Variants in RBFOX1 observed in about 807,000 individuals in gnomAD.
RBFOX1 encodes RNA binding fox-1 homolog 1.
Under a neutral mutation model 57.7 loss-of-function variants are expected in RBFOX1, and 8 were observed. That is an observed-to-expected ratio of 0.14 (90% confidence interval 0.08 to 0.25). RBFOX1 has a LOEUF of 0.25. Ranked by LOEUF, RBFOX1 falls within the 10% of genes least tolerant of loss-of-function variation. RBFOX1 has a pLI of 1.00. For missense variants in RBFOX1, 611 were observed against 548.5 expected, an observed-to-expected ratio of 1.11 and a Z score of -1.14; for synonymous variants, 326 against 222.4, an observed-to-expected ratio of 1.47 and a Z score of -4.15.
chr16:7,441,272 A>G lies in RBFOX1; in HGVS notation c.28-76875A>G, dbSNP rs186759549. ...AATTTATGCTTTAAGAACAATCAGC[A>G]TCAAAGGCCTTGGCAGTGGTGGAGC... is the stretch of plus-strand genomic sequence containing the variant. On this transcript the variant is annotated intron_variant, in intron 4 of 15. Transcript: ENST00000550418. Among the ~76,000 whole-genome samples the G allele has an allele frequency of 5.3e-5, 8 of 152,334 alleles. No individual in the cohort carries two copies. The East Asian group carries it at 1.5e-3, about 29-fold the overall frequency.
At position 5,805,942 on chromosome 16, in the gene RBFOX1, A is replaced by C. The variant is rs571338268; in HGVS notation, c.319-61361A>C. Reference sequence around the variant, plus strand: ...GTGGATCTGGGGGGACAAATGGAGAAATCTGTCCTGCATAGATCCTAGCAC... The same window carrying C: ...GTGGATCTGGGGGGACAAATGGAGACATCTGTCCTGCATAGATCCTAGCAC... On this transcript the variant is annotated intron_variant, in intron 3 of 19. Coordinates refer to the RBFOX1 transcript ENST00000641259. 7.2e-5 allele frequency among the ~76,000 whole-genome samples: 11 copies of C among 152,294 alleles called. No homozygotes were observed. In the South Asian group the frequency reaches 2.3e-3, roughly 32 times the overall value.
At chr16:5,791,290 TCTAA>T (rs1312134991) in intron 3 of RBFOX1, among the ~76,000 whole-genome samples, 3 of 152,330 alleles carry the variant, frequency 2.0e-5, no homozygotes, top group East Asian at 1.9e-4. Flanking sequence ...AAAATGTAGC[TCTAA>T]CTGATAAAAA....
At position 7,596,002 on chromosome 16, in the gene RBFOX1, C is replaced by G. The variant is rs191724891; in HGVS notation, c.561+361C>G. 1.7e-4 allele frequency among the ~76,000 whole-genome samples: 25 copies of G among 150,964 alleles called. No homozygotes were observed. The East Asian group carries it at 4.7e-3, about 28-fold the overall frequency. On this transcript the variant is annotated intron_variant, in intron 8 of 15. Transcript: ENST00000550418. The stretch of plus-strand genomic sequence containing the variant: ...ACAAAATACAGAACAGTTTCTTTTT[C>G]TTTTTCTTTCCACTTCAGGGTTGAA...
intron 1 of RBFOX1, among the ~76,000 whole-genome samples, chr16:5,386,341 C>A (rs760202398): frequency 3.3e-5 from 5 of 151,924 alleles, no homozygotes; most frequent in Non-Finnish European, 5.9e-5. Flanking sequence ...GTCCTGAGAG[C>A]ATTGCATCTC....
chr16:7,544,612 C>T (rs757557890), intron 5 of RBFOX1, among the ~76,000 whole-genome samples: 6 of 152,078 alleles, frequency 3.9e-5, no homozygotes, highest in Non-Finnish European at 5.9e-5. Flanking sequence ...GAAGCAAGGA[C>T]GGACTCTCCT....
intron 1 of RBFOX1, among the ~76,000 whole-genome samples, chr16:6,046,787 G>A (rs1319945833): frequency 6.6e-6 from 1 of 152,154 alleles, no homozygotes; most frequent in African/African-American, 2.4e-5. Flanking sequence ...TGGAACATCT[G>A]GCCAAAGTCA....
At chr16:7,401,075 A>C (rs2098234592) in intron 4 of RBFOX1, among the ~76,000 whole-genome samples, 1 of 152,230 alleles carries the variant, frequency 6.6e-6, no homozygotes, top group African/African-American at 2.4e-5. Context: ...ATACAGTCCC[A>C]AGACATCCAG....
intron 1 of RBFOX1, among the ~76,000 whole-genome samples, chr16:5,386,151 T>C (rs2066249281): frequency 1.3e-5 from 2 of 151,490 alleles, no homozygotes; most frequent in African/African-American, 4.9e-5. Flanking sequence ...TTATTAGTGA[T>C]CACCCACTAA....
chr16:7,601,947 G>T (rs1272571800), intron 9 of RBFOX1, among the ~76,000 whole-genome samples: 1 of 152,144 alleles, frequency 6.6e-6, no homozygotes, highest in Non-Finnish European at 1.5e-5. Flanking sequence ...CTTTTTGTTT[G>T]GTATTTGAGA....
intron 4 of RBFOX1, among the ~76,000 whole-genome samples, chr16:7,309,448 C>T (rs530652699): frequency 1.3e-5 from 2 of 152,330 alleles, no homozygotes; most frequent in East Asian, 1.9e-4. Flanking sequence ...TTGTGCCATT[C>T]GCCTGCTCTG....
intron 1 of RBFOX1, among the ~76,000 whole-genome samples, chr16:5,355,075 AAG>A (rs918644216): frequency 6.6e-6 from 1 of 151,740 alleles, no homozygotes; most frequent in Admixed American, 6.6e-5. Flanking sequence ...AGAGAGAAAT[AAG>A]AGAGAATAAA....
chr16:7,020,563 A>T (rs571274290), intron 3 of RBFOX1, among the ~76,000 whole-genome samples: 1 of 152,326 alleles, frequency 6.6e-6, no homozygotes, highest in East Asian at 1.9e-4. Context: ...AAATTAAATA[A>T]AATAAGGAAT....
chr16:7,510,513 GC>G (rs1567589292), intron 4 of RBFOX1, among the ~76,000 whole-genome samples: 1 of 149,886 alleles, frequency 6.7e-6, no homozygotes, highest in Non-Finnish European at 1.5e-5. Context: ...GTGTGTGTGG[GC>G]GCGCGCGCAC....
intron 5 of RBFOX1, among the ~76,000 whole-genome samples, chr16:7,552,350 G>A (rs773946172): frequency 6.6e-6 from 1 of 152,136 alleles, no homozygotes; most frequent in Non-Finnish European, 1.5e-5. Context: ...GAGGCGACAG[G>A]ATACTCATTT....
chr16:7,292,675 G>A (rs372891918), intron 4 of RBFOX1, among the ~76,000 whole-genome samples: 42 of 151,628 alleles, frequency 2.8e-4, no homozygotes, highest in Admixed American at 4.6e-4. Context: ...ATGTAAGAAC[G>A]CTACAATACA....
chr16:5,318,733 G>T (rs1187129436), intron 1 of RBFOX1, among the ~76,000 whole-genome samples: 1 of 152,180 alleles, frequency 6.6e-6, no homozygotes, highest in East Asian at 1.9e-4. Flanking sequence ...GGTAACTTAG[G>T]TACTGCTCTA....
intron 4 of RBFOX1, among the ~76,000 whole-genome samples, chr16:7,497,027 C>T (rs867303996): frequency 1.2e-4 from 18 of 152,058 alleles, no homozygotes; most frequent in African/African-American, 4.3e-4. Context: ...ATTTTATTGC[C>T]TCTCTCCATG....
intron 1 of RBFOX1, among the ~76,000 whole-genome samples, chr16:5,385,208 C>T (rs1596775816): frequency 1.3e-5 from 2 of 152,188 alleles, no homozygotes; most frequent in Admixed American, 6.5e-5. Flanking sequence ...CAGGGTTACA[C>T]ACTGGAAAGT....
At chr16:6,786,083 G>C (rs1000053842) in intron 3 of RBFOX1, among the ~76,000 whole-genome samples, 6 of 152,206 alleles carry the variant, frequency 3.9e-5, no homozygotes, top group African/African-American at 1.2e-4. Context: ...AGCCTGTTCA[G>C]GGCCTGGAGT....
Sources: allele counts gnomAD v4.1 joint callset (sites outside exome capture counted in the v4.1 genomes callset), GRCh38; gene constraint gnomAD v4.1.1; transcripts MANE v1.5; gene names NCBI Gene and HGNC (gene_info 2026-07-23, HGNC 2026-07-21).